OR8G5: variants seen among roughly 807,000 people sequenced by gnomAD.
OR8G5 encodes the protein olfactory receptor family 8 subfamily G member 5.
For missense variants in OR8G5, 347 were observed against 371.9 expected, an observed-to-expected ratio of 0.93 and a Z score of 0.55; for synonymous variants, 147 against 147.7, an observed-to-expected ratio of 1.00 and a Z score of 0.03.
intron 1 of OR8G5, among the ~76,000 whole-genome samples, chr11:124,260,682 G>C (rs1045615815): frequency 4.0e-5 from 6 of 151,298 alleles, no homozygotes; most frequent in African/African-American, 1.5e-4. Context: ...CTCTTATTAG[G>C]GTTTTTAAAA....
intron 1 of OR8G5, among the ~76,000 whole-genome samples, chr11:124,262,729 A>G (rs983000513): frequency 9.2e-5 from 14 of 151,970 alleles, no homozygotes; most frequent in Non-Finnish European, 2.1e-4. Context: ...TCATCTGTTG[A>G]TGAACATTTG....
chr11:124,262,318 G>A (rs956566977), intron 1 of OR8G5, among the ~76,000 whole-genome samples: 1 of 151,646 alleles, frequency 6.6e-6, no homozygotes, highest in Non-Finnish European at 1.5e-5. Context: ...ATTTTGCATA[G>A]CCTACAAATA....
At chr11:124,262,572 G>A (rs1861982219) in intron 1 of OR8G5, among the ~76,000 whole-genome samples, 1 of 151,842 alleles carries the variant, frequency 6.6e-6, no homozygotes, top group African/African-American at 2.4e-5. Context: ...AAAATCTATT[G>A]CAAAGAAACA....
At chr11:124,257,062 C>G (rs1217484423) in intron 1 of OR8G5, among the ~76,000 whole-genome samples, 1 of 152,130 alleles carries the variant, frequency 6.6e-6, no homozygotes, top group East Asian at 1.9e-4. Context: ...AAAAGTCAGA[C>G]AGCTAAGTGA....
chr11:124,265,381 A>T lies in OR8G5; in HGVS notation c.450A>T (p.Val150=), dbSNP rs1344731669. 18 of 1,613,882 alleles carry T rather than the reference A, an allele frequency of 1.1e-5. No individual in the cohort carries two copies. The highest frequency in any genetic ancestry group is 1.1e-5 in the Non-Finnish European group (13 of 1,179,896). ...ACFSLILVVY[V]IGLICASAHI... is the part of the protein sequence containing the mutation. ...TTTCTCTGATTTTAGTGGTGTATGT[A>T]ATAGGCCTGATTTGTGCGTCAGCTC... The change falls in exon 2 of 2, where the codon GTA becomes GTT. Residue 150 remains valine, a synonymous_variant. Transcript: ENST00000641992.
intron 1 of OR8G5, 167 bp from the exon 2 acceptor site, chr11:124,264,751 C>T (rs1013926994): frequency 1.8e-5 from 13 of 737,980 alleles, no homozygotes; most frequent in Admixed American, 5.7e-5. Context: ...ATATAGAATA[C>T]CAGTTACTAG....
At chr11:124,261,171 A>G (rs773167923) in intron 1 of OR8G5, among the ~76,000 whole-genome samples, 12 of 151,862 alleles carry the variant, frequency 7.9e-5, no homozygotes, top group Non-Finnish European at 1.5e-4. Flanking sequence ...TATGTGTACC[A>G]CATTTCCTTT....
intron 1 of OR8G5, 86 bp from the exon 2 acceptor site, chr11:124,264,832 C>A: frequency 1.3e-6 from 2 of 1,538,286 alleles, no homozygotes; most frequent in South Asian, 2.3e-5. Context: ...GTTAAATGAT[C>A]ATATATAAAC....
chr11:124,259,252 A>G (rs976588726), intron 1 of OR8G5, among the ~76,000 whole-genome samples: 19 of 152,324 alleles, frequency 1.2e-4, no homozygotes, highest in Middle Eastern at 3.4e-3. Context: ...TAGCAAATCT[A>G]TATTAAACAA....
intron 1 of OR8G5, 189 bp from the exon 2 acceptor site, chr11:124,264,729 T>C (rs1862010357): frequency 3.1e-6 from 2 of 645,500 alleles, no homozygotes; most frequent in Non-Finnish European, 5.2e-6. Context: ...TAAACATAGG[T>C]AAAATATTAT....
chr11:124,262,447 A>G (rs1861980897), intron 1 of OR8G5, among the ~76,000 whole-genome samples: 1 of 151,628 alleles, frequency 6.6e-6, no homozygotes, highest in South Asian at 2.1e-4. Flanking sequence ...AAATCTGAAT[A>G]TATGATATCT....
At chr11:124,264,726 A>G in intron 1 of OR8G5, 192 bp from the exon 2 acceptor site, 1 of 624,470 alleles carries the variant, frequency 1.6e-6, no homozygotes, top group Non-Finnish European at 2.7e-6. Flanking sequence ...TTATAAACAT[A>G]GGTAAAATAT....
chr11:124,261,609 A>G lies in OR8G5; in HGVS notation c.-14-3309A>G, dbSNP rs185492470. ...GTGAGAGACATGGACATACTTAGCT[A>G]CTAACCGTTAGAACATCAGACAAAA... is the stretch of plus-strand genomic sequence containing the variant. On this transcript the variant is annotated intron_variant, in intron 1 of 1. Coordinates refer to ENST00000641992, the MANE Select transcript of OR8G5 (RefSeq NM_001005198.2). Among the ~76,000 whole-genome samples the G allele has an allele frequency of 1.5e-3, 227 of 152,074 alleles. 2 individuals carry two copies. Among genetic ancestry groups the G allele is most frequent in the South Asian group, 0.015 (72 of 4,832 alleles).
chr11:124,264,790 G>A (rs7931968), intron 1 of OR8G5, 128 bp from the exon 2 acceptor site: 404,094 of 1,145,806 alleles, frequency 0.35, 73,405 homozygotes, highest in East Asian at 0.43. Context: ...TGCTAAATTG[G>A]GATAAATTAT....
rs369576334 is a variant in OR8G5 at position 124,265,294 on chromosome 11, C to T, written c.363C>T (p.Asp121=). ...ACATGTTGGCTGCAATGGCATATGACGGCTACGTGGCCATCTGTAGCCCCT... is the reference window on the plus strand; with the variant it reads ...ACATGTTGGCTGCAATGGCATATGATGGCTACGTGGCCATCTGTAGCCCCT... The part of the protein sequence containing the change: ...ECHMLAAMAY[D]GYVAICSPLL... The change falls in exon 2 of 2, where the codon GAC becomes GAT. Residue 121 remains aspartate, a synonymous_variant. Transcript: ENST00000641992. The T allele has an allele frequency of 5.0e-5, 81 of 1,614,034 alleles. No homozygotes were observed. The Middle Eastern group carries it at 8.2e-4, about 16-fold the overall frequency.
chr11:124,265,165 C>A lies in OR8G5; in HGVS notation c.234C>A (p.Thr78=), dbSNP rs757639734. The change falls in exon 2 of 2, where the codon ACC becomes ACA. Residue 78 remains threonine, a synonymous_variant. Coordinates refer to ENST00000641992, the MANE Select transcript of OR8G5 (RefSeq NM_001005198.2). ...ACTTCTGCCATTCCACTGTCATTACCCCTAAGATGCTGGTGAACTTTGTGA... is the reference window on the plus strand; with the variant it reads ...ACTTCTGCCATTCCACTGTCATTACACCTAAGATGCTGGTGAACTTTGTGA... ...FIDFCHSTVI[T]PKMLVNFVTE... is the part of the protein sequence containing the mutation. 1.2e-6 allele frequency: 2 copies of A among 1,614,124 alleles called. No individual in the cohort carries two copies. Among genetic ancestry groups the A allele is most frequent in the Non-Finnish European group, 8.5e-7 (1 of 1,179,984 alleles).
intron 1 of OR8G5, among the ~76,000 whole-genome samples, chr11:124,258,119 C>T (rs1861929906): frequency 6.6e-6 from 1 of 152,158 alleles, no homozygotes; most frequent in South Asian, 2.1e-4. Context: ...CTGTCAAACA[C>T]CATACACAAA....
intron 1 of OR8G5, among the ~76,000 whole-genome samples, chr11:124,263,370 T>C (rs961789865): frequency 2.0e-5 from 3 of 152,160 alleles, no homozygotes; most frequent in Admixed American, 6.5e-5. Flanking sequence ...TATTATACTT[T>C]AAGCTTTAGG....
chr11:124,265,593 T>G lies in OR8G5; in HGVS notation c.662T>G (p.Ile221Ser). The change falls in exon 2 of 2, where the codon ATC becomes AGC. Residue 221 changes from isoleucine to serine, a missense_variant. Ile to Ser is a moderately radical substitution (Grantham distance 142). Coordinates refer to ENST00000641992, the MANE Select transcript of OR8G5 (RefSeq NM_001005198.2). ...ACCATCCTCAGCTCTTACATCTTCA[T>G]CATTGCCAGCATCCTCCGCATTCGC... Reference protein sequence around the residue: ...SLTILSSYIFIIASILRIRYT... With the variant: ...SLTILSSYIFSIASILRIRYT... 1 of 1,613,892 alleles carries G rather than the reference T, an allele frequency of 6.2e-7. No individual in the cohort carries two copies. The highest frequency in any genetic ancestry group is 8.5e-7 in the Non-Finnish European group (1 of 1,179,858).
Sources: gnomAD v4.1 joint callset for allele counts (sites outside exome capture counted in the v4.1 genomes callset) on GRCh38, gnomAD v4.1.1 for gene constraint, MANE v1.5 for transcripts, NCBI Gene and HGNC (gene_info 2026-07-23, HGNC 2026-07-21) for gene names.